Variants in RANBP2 observed in about 807,000 individuals in gnomAD.
RANBP2 encodes E3 SUMO-protein ligase RanBP2.
RANBP2 carries 57 observed loss-of-function variants against 303.6 expected under a neutral mutation model. That is an observed-to-expected ratio of 0.19 (90% CI 0.15 to 0.23). RANBP2 has a LOEUF of 0.23. Among genes scored for constraint, RANBP2 ranks in the 10% least tolerant of loss-of-function variants. The pLI, the probability that RANBP2 is intolerant of heterozygous loss-of-function variation, is 1.00. For missense variants in RANBP2, 3,138 were observed against 3,780.8 expected (o/e 0.83, Z 4.46); for synonymous variants, 1,167 against 1,301.5 (o/e 0.90, Z 2.23).
At chr2:108,944,739 G>A in the RANBP2 span, among the ~76,000 whole-genome samples, 1 of 152,180 alleles carries the variant, frequency 6.6e-6, no homozygotes, top group African/African-American at 2.4e-5. Context: ...CCGTGCAGAG[G>A]AGGGAGCTGT....
the RANBP2 span, among the ~76,000 whole-genome samples, chr2:109,084,670 A>G: frequency 1.3e-5 from 2 of 152,186 alleles, no homozygotes; most frequent in African/African-American, 4.8e-5. Flanking sequence ...GGTTCGAAGG[A>G]GCTGAGACCT....
the RANBP2 span, among the ~76,000 whole-genome samples, chr2:109,525,561 T>A: frequency 1.7e-4 from 26 of 152,162 alleles, no homozygotes; most frequent in Non-Finnish European, 2.9e-4. Flanking sequence ...GCTGGTGACG[T>A]GAACCCCAGG....
the RANBP2 span, chr2:108,873,501 A>T: frequency 1.2e-5 from 20 of 1,609,418 alleles, no homozygotes; most frequent in Non-Finnish European, 1.6e-5. Flanking sequence ...ATTTTTTCGT[A>T]CTTGCTCTGT....
At chr2:109,489,779 C>T in the RANBP2 span, among the ~76,000 whole-genome samples, 68 of 151,754 alleles carry the variant, frequency 4.5e-4, 1 homozygote, top group Non-Finnish European at 1.2e-4. Flanking sequence ...GCTCTGTCAC[C>T]CAGGCTGGAG....
the RANBP2 span, among the ~76,000 whole-genome samples, chr2:108,998,154 C>G: frequency 6.6e-6 from 1 of 152,138 alleles, no homozygotes; most frequent in Non-Finnish European, 1.5e-5. Context: ...CAGTAGATAC[C>G]TTTCAGTCTT....
rs557801136 is a variant in RANBP2, at chr2:108,753,849, A to G, written c.2080A>G (p.Ile694Val). The change falls in exon 15 of 29, where the codon ATT becomes GTT. Residue 694 changes from isoleucine to valine, a missense_variant. Ile to Val is a conservative substitution (Grantham distance 29, BLOSUM62 3). Around this residue, in one of 20 missense-constraint regions of RANBP2, gnomAD observed 194 missense variants for 197.4 expected, o/e 0.98. Transcript: ENST00000283195. Reference sequence around the variant, plus strand: ...GATTTTTCACAGGAAGGCAGAAGACATTGAAAATGATGCCCTTTCTCCTGA... The same window carrying G: ...GATTTTTCACAGGAAGGCAGAAGACGTTGAAAATGATGCCCTTTCTCCTGA... ...ALIFHRKAED[I>V]ENDALSPEEQ... The G allele has an allele frequency of 4.3e-6, 7 of 1,612,058 alleles. No individual in the cohort carries two copies. The highest frequency in any genetic ancestry group is 1.3e-5 in the African/African-American group (1 of 75,004).
the RANBP2 span, chr2:108,839,261 T>G: frequency 6.2e-7 from 1 of 1,612,892 alleles, no homozygotes; most frequent in Non-Finnish European, 8.5e-7. Context: ...TTTGTAAAAT[T>G]TATATATTGG....
chr2:108,831,764 C>T, the RANBP2 span, among the ~76,000 whole-genome samples: 1 of 142,846 alleles, frequency 7.0e-6, no homozygotes, highest in Admixed American at 7.1e-5. Context: ...CGAAGTTTCA[C>T]TCTTGTTGCC....
the RANBP2 span, among the ~76,000 whole-genome samples, chr2:109,345,074 C>T: frequency 2.6e-5 from 4 of 152,130 alleles, no homozygotes; most frequent in Non-Finnish European, 4.4e-5. Context: ...ACAGAATCCC[C>T]GTGACTCAGG....
Position 108,764,526 on chromosome 2 carries a change from T to C in RANBP2, c.3987T>C (p.His1329=). 6.2e-7 allele frequency: 1 copy of C among 1,613,882 alleles called. No homozygotes were observed. Among genetic ancestry groups the C allele is most frequent in the Non-Finnish European group, 8.5e-7 (1 of 1,179,938 alleles). Residue 1329 remains histidine, a synonymous_variant, in exon 20 of 29, where the codon CAT becomes CAC. Transcript: ENST00000283195. The part of the protein sequence containing the change: ...AVRIVKEPTS[H]DNKDICKSDA... ...GAATTGTAAAAGAACCCACAAGTCATGATAACAAGGATATTTGCAAATCTG... is the reference window on the plus strand; with the variant it reads ...GAATTGTAAAAGAACCCACAAGTCACGATAACAAGGATATTTGCAAATCTG...
chr2:108,762,719 G>A (rs1014257506), intron 19 of RANBP2, among the ~76,000 whole-genome samples: 2 of 149,602 alleles, frequency 1.3e-5, no homozygotes, highest in African/African-American at 4.9e-5. Context: ...GGTTTTTGAG[G>A]ATATTAAAAT....
the RANBP2 span, among the ~76,000 whole-genome samples, chr2:109,247,123 G>A: frequency 6.6e-6 from 1 of 152,184 alleles, no homozygotes; most frequent in Non-Finnish European, 1.5e-5. Context: ...TCCCATGGGT[G>A]TATGGATATT....
chr2:109,631,210 A>G, the RANBP2 span, among the ~76,000 whole-genome samples: 1 of 152,210 alleles, frequency 6.6e-6, no homozygotes, highest in Non-Finnish European at 1.5e-5. Flanking sequence ...TGCAGATGTC[A>G]TCTCATTCAG....
the RANBP2 span, chr2:109,501,510 G>T: frequency 1.3e-6 from 1 of 778,000 alleles, no homozygotes; most frequent in Non-Finnish European, 2.4e-6. Flanking sequence ...CAGGTACCGC[G>T]TGGTGGTCTC....
the RANBP2 span, among the ~76,000 whole-genome samples, chr2:109,376,261 T>C: frequency 1.3e-5 from 2 of 152,212 alleles, no homozygotes; most frequent in South Asian, 4.1e-4. Flanking sequence ...AGGTTTGCAG[T>C]TGGATGATGT....
the RANBP2 span, among the ~76,000 whole-genome samples, chr2:109,661,468 G>A: frequency 1.3e-5 from 2 of 152,106 alleles, no homozygotes; most frequent in Non-Finnish European, 2.9e-5. Context: ...GGCTGCTCTC[G>A]AACTCCTGAC....
rs1677192913 is a variant in RANBP2 at position 108,767,388 on chromosome 2, G to A, written c.6849G>A (p.Lys2283=). ...SALSPSKSPA[K]LNQSGTSVGT... ...TGAGTCCATCTAAGTCTCCTGCCAAGTTGAATCAGAGTGGGACTTCAGTTG... is the reference window on the plus strand; with the variant it reads ...TGAGTCCATCTAAGTCTCCTGCCAAATTGAATCAGAGTGGGACTTCAGTTG... The change falls in exon 20 of 29, where the codon AAG becomes AAA. Residue 2283 remains lysine (K), a synonymous_variant. Coordinates refer to ENST00000283195, the MANE Select transcript of RANBP2 (RefSeq NM_006267.5). 6.2e-7 allele frequency: 1 copy of A among 1,611,980 alleles called. No individual in the cohort carries two copies. The highest frequency in any genetic ancestry group is 2.2e-5 in the East Asian group (1 of 44,874).
chr2:109,296,160 A>G, the RANBP2 span, among the ~76,000 whole-genome samples: 1 of 152,022 alleles, frequency 6.6e-6, no homozygotes, highest in Non-Finnish European at 1.5e-5. Flanking sequence ...CCATGTCAGC[A>G]TTATCCCCTA....
chr2:109,531,643 A>G, the RANBP2 span, among the ~76,000 whole-genome samples: 1 of 152,236 alleles, frequency 6.6e-6, no homozygotes, highest in Non-Finnish European at 1.5e-5. Context: ...TTAATCAAAG[A>G]CTTCAGAATC....
Sources: allele counts gnomAD v4.1 joint callset (sites outside exome capture counted in the v4.1 genomes callset), GRCh38; gene constraint gnomAD v4.1.1; regional missense constraint gnomAD v4.1.1; transcripts MANE v1.5; gene names NCBI Gene and HGNC (gene_info 2026-07-23, HGNC 2026-07-21).